The following CENPF variants were observed in gnomAD, a reference collection of about 807,000 sequenced individuals.
CENPF encodes AH antigen.
A neutral mutation model predicts 307.3 loss-of-function variants in CENPF; 214 were observed. The ratio of observed to expected loss-of-function variants is 0.70; its 90% confidence interval spans 0.62 to 0.78. The LOEUF is 0.78. Among genes scored for constraint, CENPF ranks in the 30% least tolerant of loss-of-function variants. The pLI, the probability that CENPF is intolerant of heterozygous loss-of-function variation, is 0.00. For missense variants in CENPF, 3,401 were observed against 3,483.9 expected (o/e 0.98, Z 0.60); for synonymous variants, 1,259 against 1,270.6 (o/e 0.99, Z 0.19).
At chr1:214,658,641 T>C (rs1658708398) in intron 18 of CENPF, among the ~76,000 whole-genome samples, 1 of 152,154 alleles carries the variant, frequency 6.6e-6, no homozygotes, top group African/African-American at 2.4e-5. Flanking sequence ...TTTTCTATGT[T>C]TCTAATAAGA....
rs143750895 is a variant in CENPF at position 214,659,495 on chromosome 1, C to G, written c.9141+467C>G. Reference sequence around the variant, plus strand: ...CAATAGATATCTAAGGAAAGGAACTCTGTTTATAGATCTCTCTATTTTGAT... The same window carrying G: ...CAATAGATATCTAAGGAAAGGAACTGTGTTTATAGATCTCTCTATTTTGAT... On this transcript the variant is annotated intron_variant, in intron 19 of 19. Coordinates refer to ENST00000366955, the MANE Select transcript of CENPF (RefSeq NM_016343.4). The surrounding 1 kb of genome is among the most constrained non-coding windows in gnomAD (Gnocchi z 4.4). Among the ~76,000 whole-genome samples, 2 of 150,838 alleles carry G rather than the reference C, an allele frequency of 1.3e-5. No individual in the cohort carries two copies. Among genetic ancestry groups the G allele is most frequent in the East Asian group, 3.9e-4 (2 of 5,146 alleles).
At chr1:214,651,558 T>C (rs1052946363) in intron 14 of CENPF, 152 bp from the exon 15 acceptor site, 16 of 492,792 alleles carry the variant, frequency 3.2e-5, no homozygotes, top group African/African-American at 3.2e-4. Flanking sequence ...TAAAAGTGAA[T>C]ACATTGCTAA....
intron 13 of CENPF, chr1:214,648,063 G>C: frequency 4.8e-6 from 2 of 419,600 alleles, no homozygotes; most frequent in South Asian, 3.4e-5. Context: ...CTAGGAAAGT[G>C]ATTTTGTCAC....
At chr1:214,647,949 A>G (rs757188248) in intron 13 of CENPF, 1 of 496,364 alleles carries the variant, frequency 2.0e-6, no homozygotes, top group Non-Finnish European at 4.1e-6. Context: ...CTCTTTGTGC[A>G]GTCTTCTATT....
At chr1:214,631,390 CTT>C (rs139507324) in intron 9 of CENPF, among the ~76,000 whole-genome samples, 2,780 of 152,254 alleles carry the variant, frequency 0.018, 68 homozygotes, top group African/African-American at 0.064. Flanking sequence ...GGGCAGGTAT[CTT>C]TGTGTATGTG....
Position 214,648,787 on chromosome 1 carries a change from G to C in CENPF, c.7943G>C (p.Gly2648Ala). 1.9e-6 allele frequency: 3 copies of C among 1,614,054 alleles called. No individual in the cohort carries two copies. Among genetic ancestry groups the C allele is most frequent in the Non-Finnish European group, 2.5e-6 (3 of 1,179,950 alleles). ...ELSGEKNRLA[G>A]ELQLLLEEIK... ...AGTGGAGAGAAAAATAGGCTAGCTGGAGAGTTGCAGTTACTGTTGGAAGAA... is the reference window on the plus strand; with the variant it reads ...AGTGGAGAGAAAAATAGGCTAGCTGCAGAGTTGCAGTTACTGTTGGAAGAA... The change falls in exon 14 of 20, where the codon GGA becomes GCA. Residue 2648 changes from glycine (G) to alanine (A), a missense_variant. Physicochemically the swap from Gly to Ala is moderately conservative, Grantham distance 60 (BLOSUM62 0). Transcript: ENST00000366955.
chr1:214,657,527 C>T (rs1001177958), intron 18 of CENPF, 118 bp downstream of exon 18: 32 of 719,698 alleles, frequency 4.4e-5, no homozygotes, highest in Admixed American at 4.2e-4. Context: ...ATCTCATTGA[C>T]GTTCATAAGC....
intron 1 of CENPF, chr1:214,608,775 GA>G: frequency 6.2e-7 from 1 of 1,600,806 alleles, no homozygotes; most frequent in Non-Finnish European, 8.5e-7. Context: ...GCTTGGCAGC[GA>G]TGCGGCCGGG....
chr1:214,621,184 G>A (rs757684435), intron 6 of CENPF, among the ~76,000 whole-genome samples: 7 of 152,186 alleles, frequency 4.6e-5, no homozygotes, highest in Non-Finnish European at 8.8e-5. Context: ...TCTAAAGTAC[G>A]TTGAGAGGCT....
At position 214,663,790 on chromosome 1, in the gene CENPF, A is replaced by ATTC; in HGVS notation, c.9341_9342insTTC (p.Gln3114delinsHisSer). On this transcript the variant is annotated protein_altering_variant, in exon 20 of 20. Coordinates refer to ENST00000366955, the MANE Select transcript of CENPF (RefSeq NM_016343.4). ...AACGGCAGTGAGAACTGTAAGGTCC[A>ATTC]GTGAAGGCACTTTGTGTGTCAGTAC... The ATTC allele has an allele frequency of 6.2e-7, 1 of 1,613,486 alleles. No homozygotes were observed. Among genetic ancestry groups the ATTC allele is most frequent in the Non-Finnish European group, 8.5e-7 (1 of 1,179,672 alleles).
chr1:214,656,544 A>G (rs1658636786), intron 17 of CENPF, among the ~76,000 whole-genome samples: 1 of 152,338 alleles, frequency 6.6e-6, no homozygotes, highest in African/African-American at 2.4e-5. Context: ...CAGAAGCTTC[A>G]TAATCTTTGC....
intron 10 of CENPF, among the ~76,000 whole-genome samples, chr1:214,633,138 T>A (rs1481330374): frequency 6.6e-6 from 1 of 152,246 alleles, no homozygotes; most frequent in African/African-American, 2.4e-5. Context: ...GTCAATTATA[T>A]GACTCTGGCT....
At chr1:214,616,510 A>G (rs1657342486) in intron 3 of CENPF, among the ~76,000 whole-genome samples, 1 of 152,182 alleles carries the variant, frequency 6.6e-6, no homozygotes, top group South Asian at 2.1e-4. Flanking sequence ...CCAAATTCTG[A>G]AAATTTAGTA....
In CENPF at chr1:214,653,006, T is replaced by C. The variant is rs1286215209; in HGVS notation, c.8322+17T>C. On this transcript the variant is annotated intron_variant, in intron 16 of 19. Transcript: ENST00000366955. ...AAAACCAAGGTATGTTCACTTTAAT[T>C]TGCTTCATGATTTCGAATGGTTTAT... 1 of 1,593,648 alleles carries C rather than the reference T, an allele frequency of 6.3e-7. No homozygotes were observed. Among genetic ancestry groups the C allele is most frequent in the Admixed American group, 1.7e-5 (1 of 58,184 alleles).
chr1:214,603,727 A>G (rs1457201464), intron 1 of CENPF: 1 of 151,896 alleles, frequency 6.6e-6, no homozygotes, highest in Non-Finnish European at 1.5e-5. Context: ...TATTGAGTAG[A>G]TGTAAGCTTG....
chr1:214,655,195 TAA>T (rs745568193), intron 16 of CENPF, 44 bp from the exon 17 acceptor site: 1 of 1,303,928 alleles, frequency 7.7e-7, no homozygotes, highest in African/African-American at 1.5e-5. Flanking sequence ...CATATGCTTA[TAA>T]AAAGAAATTC....
rs141798165 is a variant in CENPF, at chr1:214,653,365, C to T, written c.8322+376C>T. On this transcript the variant is annotated intron_variant, in intron 16 of 19. Transcript: ENST00000366955. Reference sequence around the variant, plus strand: ...TCTCCAACTTCACTGTCACCATACTCACTTTTCTGTGGCTTACGGGGAGAT... The same window carrying T: ...TCTCCAACTTCACTGTCACCATACTTACTTTTCTGTGGCTTACGGGGAGAT... The T allele has an allele frequency of 1.7e-3, 325 of 189,382 alleles. 2 individuals carry two copies. The highest frequency in any genetic ancestry group is 6.9e-3 in the African/African-American group (292 of 42,476). 11.7% of individuals were successfully genotyped at this position (189,382 alleles called of 1,614,324 possible). A position where few individuals can be genotyped will look rare whatever the true frequency, so the allele number is the denominator to read the frequency against.
At chr1:214,607,103 C>G (rs1386278364) in intron 1 of CENPF, among the ~76,000 whole-genome samples, 1 of 152,244 alleles carries the variant, frequency 6.6e-6, no homozygotes, top group Non-Finnish European at 1.5e-5. Flanking sequence ...GTGGCCCCAG[C>G]TCTGCCTTAG....
In CENPF at chr1:214,644,783, A is replaced by C; in HGVS notation, c.5213A>C (p.Lys1738Thr). 6.2e-7 allele frequency: 1 copy of C among 1,613,936 alleles called. No homozygotes were observed. The highest frequency in any genetic ancestry group is 8.5e-7 in the Non-Finnish European group (1 of 1,179,944). ...DTNYEPPGED[K>T]TQGSSECISE... Reference sequence around the variant, plus strand: ...AATTATGAGCCTCCAGGGGAAGATAAAACCCAGGGCTCTTCAGAATGCATT... The same window carrying C: ...AATTATGAGCCTCCAGGGGAAGATACAACCCAGGGCTCTTCAGAATGCATT... Residue 1738 changes from lysine to threonine, a missense_variant, in exon 13 of 20, where the codon AAA becomes ACA. Physicochemically the swap from Lys to Thr is moderately conservative, Grantham distance 78 (BLOSUM62 -1). Transcript: ENST00000366955.
Sources: gnomAD v4.1 joint callset for allele counts (sites outside exome capture counted in the v4.1 genomes callset) on GRCh38, gnomAD v4.1.1 for gene constraint, Gnocchi (gnomAD v3.1) non-coding constraint, MANE v1.5 for transcripts, NCBI Gene and HGNC (gene_info 2026-07-23, HGNC 2026-07-21) for gene names.